Variants in EDEM3 observed in about 807,000 individuals in gnomAD.
EDEM3 encodes ER degradation enhancing alpha-mannosidase like protein 3.
In EDEM3, 60 loss-of-function variants were observed where a neutral mutation model predicts 110.2. The observed-to-expected ratio is 0.54, with a 90% CI of 0.44 to 0.67. The LOEUF is 0.67. Ranked by LOEUF, EDEM3 falls within the 30% of genes least tolerant of loss-of-function variation. The probability of loss-of-function intolerance (pLI) is 0.00; values close to 1 mark genes in which losing one functional copy is unlikely to be tolerated. For missense variants in EDEM3, 996 were observed against 1,121.0 expected (o/e 0.89, Z 1.59); for synonymous variants, 352 against 382.9 (o/e 0.92, Z 0.94).
In EDEM3 at chr1:184,690,884, A is replaced by G. The variant is rs1182258683; in HGVS notation, c.*3179T>C. The G allele has an allele frequency of 6.6e-6, 1 of 152,400 alleles. No homozygotes were observed. Among genetic ancestry groups the G allele is most frequent in the Non-Finnish European group, 1.5e-5 (1 of 67,974 alleles). 9.4% of individuals were successfully genotyped at this position (152,400 alleles called of 1,614,324 possible). ...TTACTAAATTCTACCCCCCTCTAAA[A>G]TTATAAGCAGTATTTGAATTACTTA... On this transcript the variant is annotated 3_prime_UTR_variant, in exon 20 of 20. Coordinates refer to ENST00000318130, the MANE Select transcript of EDEM3 (RefSeq NM_025191.4).
At chr1:184,728,629 G>A (rs1228651899) in intron 6 of EDEM3, among the ~76,000 whole-genome samples, 1 of 150,612 alleles carries the variant, frequency 6.6e-6, no homozygotes, top group Non-Finnish European at 1.5e-5. Flanking sequence ...ATTTTTTGTG[G>A]GGATGGAGTC....
intron 16 of EDEM3, 80 bp from the exon 17 acceptor site, chr1:184,708,424 T>G (rs1650052391): frequency 4.2e-6 from 6 of 1,428,142 alleles, no homozygotes; most frequent in Non-Finnish European, 5.7e-6. Context: ...GACACTGTAC[T>G]GTAGTATTCT....
At chr1:184,719,057 T>C (rs971252936) in intron 11 of EDEM3, 105 bp downstream of exon 11, 2 of 570,050 alleles carry the variant, frequency 3.5e-6, no homozygotes, top group Non-Finnish European at 5.8e-6. Flanking sequence ...GCCTTGAAGA[T>C]GACATTTTCT....
intron 4 of EDEM3, among the ~76,000 whole-genome samples, chr1:184,736,013 T>C (rs1473068356): frequency 1.3e-5 from 2 of 152,186 alleles, no homozygotes; most frequent in African/African-American, 4.8e-5. Context: ...TAATATAGTT[T>C]GCATATTCCA....
chr1:184,708,755 A>T (rs1650069563), intron 16 of EDEM3, among the ~76,000 whole-genome samples: 1 of 152,244 alleles, frequency 6.6e-6, no homozygotes. Flanking sequence ...TCTGTGAAGC[A>T]CTTATTCCAT....
In EDEM3 at chr1:184,737,685, G is replaced by T. The variant is rs1336738500; in HGVS notation, c.231C>A (p.Leu77=). 6.2e-7 allele frequency: 1 copy of T among 1,613,860 alleles called. No individual in the cohort carries two copies. The highest frequency in any genetic ancestry group is 1.3e-5 in the African/African-American group (1 of 74,912). ...YMEHAYPADE[L]MPLTCRGRVR... is the part of the protein sequence containing the mutation. Reference sequence around the variant, plus strand: ...CTCGACCTCTACAGGTTAAAGGCATGAGTTCATCAGCAGGGTAAGCATGTT... The same window carrying T: ...CTCGACCTCTACAGGTTAAAGGCATTAGTTCATCAGCAGGGTAAGCATGTT... The change falls in exon 3 of 20, where the codon CTC becomes CTA. Residue 77 remains leucine (L), a synonymous_variant. Coordinates refer to ENST00000318130, the MANE Select transcript of EDEM3 (RefSeq NM_025191.4).
intron 16 of EDEM3, among the ~76,000 whole-genome samples, chr1:184,709,288 T>C (rs1178059968): frequency 2.0e-5 from 3 of 152,164 alleles, no homozygotes; most frequent in Non-Finnish European, 2.9e-5. Flanking sequence ...TTGAATTTAA[T>C]AGTAAATTTA....
intron 19 of EDEM3, chr1:184,701,682 C>T (rs941931063): frequency 2.2e-6 from 1 of 446,768 alleles, no homozygotes; most frequent in African/African-American, 2.1e-5. Context: ...TAGAAAAGGG[C>T]CCAGGAAAAA....
intron 2 of EDEM3, among the ~76,000 whole-genome samples, chr1:184,740,402 G>T (rs1016070543): frequency 6.6e-6 from 1 of 152,130 alleles, no homozygotes; most frequent in Non-Finnish European, 1.5e-5. Context: ...TCAAATTTCA[G>T]TTATCATGAT....
intron 2 of EDEM3, among the ~76,000 whole-genome samples, chr1:184,748,051 T>C (rs930085385): frequency 6.6e-6 from 1 of 152,190 alleles, no homozygotes; most frequent in African/African-American, 2.4e-5. Flanking sequence ...TCAAAATCAT[T>C]AGCCTAGATT....
At chr1:184,730,349 A>G (rs1453191519) in intron 6 of EDEM3, among the ~76,000 whole-genome samples, 1 of 152,006 alleles carries the variant, frequency 6.6e-6, no homozygotes, top group East Asian at 1.9e-4. Flanking sequence ...CAGAAGGCCA[A>G]GGTGGGAGGA....
At chr1:184,737,787 A>C in intron 2 of EDEM3, 76 bp from the exon 3 acceptor site, 2 of 1,270,542 alleles carry the variant, frequency 1.6e-6, no homozygotes, top group Non-Finnish European at 2.2e-6. Context: ...TAACTTTTTC[A>C]CAGTTAAAAA....
chr1:184,737,807 T>A, intron 2 of EDEM3, 96 bp from the exon 3 acceptor site: 1 of 1,035,566 alleles, frequency 9.7e-7, no homozygotes, highest in Non-Finnish European at 1.4e-6. Context: ...AATAAAATAA[T>A]AGTCAAAAGT....
In EDEM3 at chr1:184,749,565, A is replaced by G. The variant is rs908662838; in HGVS notation, c.186T>C (p.His62=). ...TACTTACCATATAGTTACCATAAGC[A>G]TGATCAAACATTTCCAGTACTTGAT... ...LGNQVLEMFD[H]AYGNYMEHAY... The change falls in exon 2 of 20, where the codon CAT becomes CAC. Residue 62 remains histidine (H), a synonymous_variant. Transcript: ENST00000318130. 1 of 1,574,378 alleles carries G rather than the reference A, an allele frequency of 6.4e-7. No homozygotes were observed. Among genetic ancestry groups the G allele is most frequent in the South Asian group, 1.2e-5 (1 of 84,988 alleles).
chr1:184,735,576 T>C (rs1366926895), intron 4 of EDEM3, among the ~76,000 whole-genome samples: 1 of 152,222 alleles, frequency 6.6e-6, no homozygotes, highest in Non-Finnish European at 1.5e-5. Context: ...TTGTGCTTTT[T>C]CACTTGATTT....
At chr1:184,736,711 A>G (rs1304150538) in intron 4 of EDEM3, among the ~76,000 whole-genome samples, 1 of 152,164 alleles carries the variant, frequency 6.6e-6, no homozygotes, top group African/African-American at 2.4e-5. Context: ...AACAACATCA[A>G]TGATATTTTC....
rs1652015845 is a variant in EDEM3 at position 184,739,466 on chromosome 1, T to G, written c.205-1755A>C. ...TTTACCCTTCTGGAGAACTTTGATATTTCCTTAAATTTTACTGAAATTTTA... is the reference window on the plus strand; with the variant it reads ...TTTACCCTTCTGGAGAACTTTGATAGTTCCTTAAATTTTACTGAAATTTTA... On this transcript the variant is annotated intron_variant, in intron 2 of 19. Coordinates refer to ENST00000318130, the MANE Select transcript of EDEM3 (RefSeq NM_025191.4). Among the ~76,000 whole-genome samples, 4 of 151,624 alleles carry G rather than the reference T, an allele frequency of 2.6e-5. No individual in the cohort carries two copies. In the South Asian group the frequency reaches 8.3e-4, roughly 31 times the overall value.
chr1:184,719,338 T>A, intron 10 of EDEM3, 93 bp from the exon 11 acceptor site: 2 of 1,526,646 alleles, frequency 1.3e-6, no homozygotes, highest in Non-Finnish European at 1.8e-6. Flanking sequence ...ACAAATACAA[T>A]TCTGAACTGC....
intron 2 of EDEM3, among the ~76,000 whole-genome samples, chr1:184,738,707 T>C (rs1222979886): frequency 6.6e-6 from 1 of 152,214 alleles, no homozygotes; most frequent in Non-Finnish European, 1.5e-5. Flanking sequence ...TAAAGATTCA[T>C]TACTAATAAG....
Sources: allele counts gnomAD v4.1 joint callset (sites outside exome capture counted in the v4.1 genomes callset), GRCh38; gene constraint gnomAD v4.1.1; transcripts MANE v1.5; gene names NCBI Gene and HGNC (gene_info 2026-07-23, HGNC 2026-07-21).